Variants in AKT3 observed in about 807,000 individuals in gnomAD.
AKT3 encodes the protein AKT serine/threonine kinase 3, also known as RAC-gamma serine/threonine-protein kinase.
Under a neutral mutation model 65.3 loss-of-function variants are expected in AKT3, and 15 were observed. The ratio of observed to expected loss-of-function variants is 0.23; its 90% CI spans 0.15 to 0.35. The LOEUF is 0.35. Among genes scored for constraint, AKT3 ranks in the 10% least tolerant of loss-of-function variants. The probability of loss-of-function intolerance (pLI) is 1.00; values close to 1 mark genes in which losing one functional copy is unlikely to be tolerated. For synonymous variants in AKT3, 206 were observed against 183.8 expected (o/e 1.12, Z -0.98); for missense variants, 243 against 576.5 (o/e 0.42, Z 5.92).
chr1:243,822,543 TAAAG>T (rs993014068), intron 2 of AKT3, among the ~76,000 whole-genome samples: 3 of 148,322 alleles, frequency 2.0e-5, no homozygotes, highest in African/African-American at 7.4e-5. Context: ...GCTAGATTAA[TAAAG>T]AAGAAAAGAG....
intron 3 of AKT3, among the ~76,000 whole-genome samples, chr1:243,666,663 CTG>C (rs1682803910): frequency 6.6e-6 from 1 of 152,170 alleles, no homozygotes; most frequent in African/African-American, 2.4e-5. Flanking sequence ...CGACTTATGA[CTG>C]TGTTACATTC....
downstream of AKT3, among the ~76,000 whole-genome samples, chr1:243,495,093 G>C (rs1667448187): frequency 1.3e-5 from 2 of 152,196 alleles, no homozygotes; most frequent in Admixed American, 1.3e-4. Context: ...TGACTCAGGG[G>C]ACTTGAGAAA....
At chr1:243,827,029 A>G (rs972494674) in intron 2 of AKT3, among the ~76,000 whole-genome samples, 34 of 118,790 alleles carry the variant, frequency 2.9e-4, no homozygotes, top group Admixed American at 2.7e-3. Flanking sequence ...ACAAAATACA[A>G]AATAATATAA....
At chr1:243,562,497 C>A (rs1172482216) in intron 10 of AKT3, among the ~76,000 whole-genome samples, 3 of 152,118 alleles carry the variant, frequency 2.0e-5, no homozygotes, top group African/African-American at 7.2e-5. Context: ...ATAAAAATAT[C>A]TGTGAAATCA....
chr1:243,738,478 G>A (rs890496909), intron 2 of AKT3, among the ~76,000 whole-genome samples: 2 of 152,178 alleles, frequency 1.3e-5, no homozygotes, highest in African/African-American at 2.4e-5. Context: ...CAACTTTAGG[G>A]AGGTGTCTAG....
At chr1:243,707,840 C>T (rs983494485) in intron 2 of AKT3, among the ~76,000 whole-genome samples, 2 of 152,018 alleles carry the variant, frequency 1.3e-5, no homozygotes, top group African/African-American at 2.4e-5. Context: ...TATAAGTGCA[C>T]AGGAATAAGT....
At chr1:243,638,076 C>T (rs1572073595) in intron 5 of AKT3, among the ~76,000 whole-genome samples, 1 of 152,160 alleles carries the variant, frequency 6.6e-6, no homozygotes, top group East Asian at 1.9e-4. Flanking sequence ...AGTGCTGCTA[C>T]CCCCAGAAAA....
At chr1:243,529,226 G>A (rs1478040881) in intron 12 of AKT3, among the ~76,000 whole-genome samples, 2 of 136,972 alleles carry the variant, frequency 1.5e-5, no homozygotes, top group African/African-American at 5.5e-5. Flanking sequence ...TGCATAGTTT[G>A]CAAATATTTT....
intron 2 of AKT3, among the ~76,000 whole-genome samples, chr1:243,728,409 T>C (rs915108974): frequency 6.6e-5 from 10 of 152,188 alleles, no homozygotes; most frequent in Admixed American, 5.2e-4. Context: ...TATCTATAGG[T>C]TGTGAGGGAG....
chr1:243,776,544 T>A (rs928839750), intron 2 of AKT3, among the ~76,000 whole-genome samples: 1 of 152,190 alleles, frequency 6.6e-6, no homozygotes, highest in African/African-American at 2.4e-5. Flanking sequence ...AACCCCATCA[T>A]GCTGGCACCT....
intron 12 of AKT3, among the ~76,000 whole-genome samples, chr1:243,533,100 G>A (rs1288100806): frequency 1.3e-5 from 2 of 151,720 alleles, no homozygotes; most frequent in Non-Finnish European, 2.9e-5. Flanking sequence ...ACCAACTTTC[G>A]GTTTCGGTCA....
In AKT3 at chr1:243,724,459, T is replaced by C. The variant is rs542138627; in HGVS notation, c.47-28743A>G. ...ATAAGGAATTTAGTTTTCAAAAGCA[T>C]ATTTTTTTCAAATGCAAAAGTAAGG... On this transcript the variant is annotated intron_variant, in intron 2 of 13. Transcript: ENST00000673466. Among the ~76,000 whole-genome samples the C allele has an allele frequency of 5.9e-5, 9 of 152,292 alleles. No individual in the cohort carries two copies. In the East Asian group the frequency reaches 1.4e-3, roughly 23 times the overall value.
chr1:243,677,956 C>T (rs1350647396), intron 3 of AKT3, among the ~76,000 whole-genome samples: 2 of 151,912 alleles, frequency 1.3e-5, no homozygotes, highest in Admixed American at 6.6e-5. Flanking sequence ...GGCGTGGTGG[C>T]GGGTGCCTGT....
chr1:243,679,410 G>A (rs997724126), intron 3 of AKT3, among the ~76,000 whole-genome samples: 1 of 152,058 alleles, frequency 6.6e-6, no homozygotes, highest in Non-Finnish European at 1.5e-5. Context: ...TTCTCCCAGA[G>A]AAAACTGACC....
chr1:243,593,374 T>G (rs1676368126), intron 8 of AKT3, among the ~76,000 whole-genome samples: 1 of 152,178 alleles, frequency 6.6e-6, no homozygotes, highest in Non-Finnish European at 1.5e-5. Context: ...AACATTTGAA[T>G]GTCAATGTAA....
At chr1:243,806,179 T>A (rs1692712697) in intron 2 of AKT3, among the ~76,000 whole-genome samples, 1 of 152,222 alleles carries the variant, frequency 6.6e-6, no homozygotes, top group Non-Finnish European at 1.5e-5. Context: ...TAGTTCTCCC[T>A]TCTATAGAAC....
chr1:243,647,588 T>C (rs1472851618), intron 4 of AKT3, among the ~76,000 whole-genome samples: 1 of 152,238 alleles, frequency 6.6e-6, no homozygotes, highest in Non-Finnish European at 1.5e-5. Context: ...AAAATACAAT[T>C]GATTTTTGTA....
At chr1:243,779,626 T>C (rs866760274) in intron 2 of AKT3, among the ~76,000 whole-genome samples, 9 of 151,854 alleles carry the variant, frequency 5.9e-5, no homozygotes, top group African/African-American at 1.2e-4. Flanking sequence ...CATGCAAAAA[T>C]AGAATGGATC....
At chr1:243,699,309 C>CA (rs1685268133) in intron 2 of AKT3, among the ~76,000 whole-genome samples, 1 of 151,184 alleles carries the variant, frequency 6.6e-6, no homozygotes, top group African/African-American at 2.4e-5. Flanking sequence ...AAAGTCTTGT[C>CA]AAAAAAGAAG....
Sources: allele counts gnomAD v4.1 joint callset (sites outside exome capture counted in the v4.1 genomes callset), GRCh38; gene constraint gnomAD v4.1.1; transcripts MANE v1.5; gene names NCBI Gene and HGNC (gene_info 2026-07-23, HGNC 2026-07-21).